RALYL: variants seen among roughly 807,000 people sequenced by gnomAD.
The protein encoded by RALYL is RALY RNA binding protein like, also known as RNA-binding Raly-like protein.
In RALYL, 29 loss-of-function variants were observed where a neutral mutation model predicts 35.1. The observed-to-expected ratio is 0.83, with a 90% CI of 0.61 to 1.13. The LOEUF (loss-of-function observed/expected upper bound fraction) is 1.13. Among genes scored for constraint, RALYL ranks in the 50% most tolerant of loss-of-function variants. RALYL has a pLI of 0.00. For synonymous variants in RALYL, 120 were observed against 127.6 expected (o/e 0.94, Z 0.40); for missense variants, 359 against 360.4 (o/e 1.00, Z 0.03).
At chr8:84,524,369 A>G (rs563776040) in intron 1 of RALYL, among the ~76,000 whole-genome samples, 4 of 152,228 alleles carry the variant, frequency 2.6e-5, no homozygotes, top group Non-Finnish European at 5.9e-5. Flanking sequence ...ATCCCTGGCC[A>G]TCAGAGAAAT....
intron 1 of RALYL, among the ~76,000 whole-genome samples, chr8:84,509,136 C>G (rs1255293394): frequency 3.9e-5 from 6 of 152,022 alleles, no homozygotes; most frequent in Non-Finnish European, 8.8e-5. Context: ...GTATTGTGTA[C>G]TACGTTTATT....
At chr8:84,425,517 G>A (rs948309807) in intron 1 of RALYL, among the ~76,000 whole-genome samples, 11 of 152,178 alleles carry the variant, frequency 7.2e-5, no homozygotes, top group South Asian at 2.1e-4. Context: ...CTTCTGCGTC[G>A]CTCACGCTGG....
At chr8:84,676,307 C>A (rs1834182828) in intron 2 of RALYL, among the ~76,000 whole-genome samples, 3 of 152,110 alleles carry the variant, frequency 2.0e-5, no homozygotes, top group South Asian at 4.1e-4. Flanking sequence ...TTCCTTTCTC[C>A]AAATAGTCCC....
chr8:84,524,031 A>C (rs917468734), intron 1 of RALYL, among the ~76,000 whole-genome samples: 5 of 152,120 alleles, frequency 3.3e-5, no homozygotes, highest in Admixed American at 3.3e-4. Context: ...GTATATACCC[A>C]GTAATGGGAT....
chr8:84,344,584 A>G (rs1021389000), intron 1 of RALYL, among the ~76,000 whole-genome samples: 8 of 152,082 alleles, frequency 5.3e-5, no homozygotes, highest in Non-Finnish European at 1.2e-4. Context: ...TGTGGGGTAC[A>G]GAGTTATGAT....
chr8:84,546,077 G>A (rs879586626), intron 2 of RALYL, among the ~76,000 whole-genome samples: 1 of 152,096 alleles, frequency 6.6e-6, no homozygotes, highest in East Asian at 1.9e-4. Context: ...TGAGAAGGAG[G>A]AAGTGGCAGG....
chr8:84,591,994 G>T (rs545383736), intron 2 of RALYL, among the ~76,000 whole-genome samples: 9 of 152,070 alleles, frequency 5.9e-5, no homozygotes, highest in African/African-American at 2.2e-4. Context: ...TGTGAATTTT[G>T]TACTATAGCT....
At chr8:84,410,363 G>C (rs191102488) in intron 1 of RALYL, among the ~76,000 whole-genome samples, 209 of 151,754 alleles carry the variant, frequency 1.4e-3, no homozygotes, top group African/African-American at 4.5e-3. Context: ...CTGTAAAATG[G>C]GATTCATTAT....
At chr8:84,443,394 T>G (rs1289925709) in intron 1 of RALYL, among the ~76,000 whole-genome samples, 1 of 152,160 alleles carries the variant, frequency 6.6e-6, no homozygotes, top group Non-Finnish European at 1.5e-5. Flanking sequence ...GAGATTTTTA[T>G]TTTCAGTTAA....
intron 1 of RALYL, among the ~76,000 whole-genome samples, chr8:84,411,144 C>T (rs1201155888): frequency 6.6e-6 from 1 of 151,744 alleles, no homozygotes; most frequent in Non-Finnish European, 1.5e-5. Flanking sequence ...TAAGAATGAG[C>T]AAATCAAATA....
Position 84,678,245 on chromosome 8 carries a change from GT to G in RALYL, c.257-96327del, listed in dbSNP as rs745913845. Among the ~76,000 whole-genome samples, 101 of 151,580 alleles carry G rather than the reference GT, an allele frequency of 6.7e-4. 1 individual carries two copies. The highest frequency in any genetic ancestry group is 4.2e-4 in the South Asian group (2 of 4,818). On this transcript the variant is annotated intron_variant, in intron 2 of 8. Coordinates refer to ENST00000521268, the MANE Select transcript of RALYL (RefSeq NM_173848.7). Reference sequence around the variant, plus strand: ...TGACCTCCTTTGCCCTGCAAGTATAGTTTTTTTGTTGTTTTTTTGTTTTTGT... The same window carrying G: ...TGACCTCCTTTGCCCTGCAAGTATAGTTTTTTGTTGTTTTTTTGTTTTTGT...
intron 1 of RALYL, among the ~76,000 whole-genome samples, chr8:84,484,726 AAAC>A (rs1303761377): frequency 3.9e-5 from 6 of 152,178 alleles, no homozygotes; most frequent in Non-Finnish European, 5.9e-5. Context: ...CATTAAAAAT[AAAC>A]AACCTCACAA....
chr8:84,779,280 A>G (rs1362076286), intron 3 of RALYL, among the ~76,000 whole-genome samples: 2 of 152,220 alleles, frequency 1.3e-5, no homozygotes, highest in Non-Finnish European at 2.9e-5. Flanking sequence ...GAATAATTGT[A>G]TGATGGTTTT....
chr8:84,446,647 T>A (rs188686850), intron 1 of RALYL, among the ~76,000 whole-genome samples: 117 of 152,148 alleles, frequency 7.7e-4, no homozygotes, highest in African/African-American at 2.6e-3. Context: ...CCTGGCTCAG[T>A]TGAGTATTGA....
At chr8:84,657,043 T>C (rs1830082946) in intron 2 of RALYL, among the ~76,000 whole-genome samples, 2 of 152,170 alleles carry the variant, frequency 1.3e-5, no homozygotes, top group Non-Finnish European at 2.9e-5. Flanking sequence ...TACATGAGTA[T>C]AAGAAATTTC....
intron 3 of RALYL, among the ~76,000 whole-genome samples, chr8:84,787,083 A>G (rs1043162428): frequency 6.6e-6 from 1 of 152,168 alleles, no homozygotes; most frequent in African/African-American, 2.4e-5. Flanking sequence ...ATAGGTATAC[A>G]CATGCTATGG....
chr8:84,249,830 A>G (rs986317689), intron 1 of RALYL, among the ~76,000 whole-genome samples: 2 of 151,910 alleles, frequency 1.3e-5, no homozygotes, highest in East Asian at 3.9e-4. Context: ...TATAAAATAA[A>G]TAATAGTACC....
chr8:84,365,461 C>T (rs886533221), intron 1 of RALYL, among the ~76,000 whole-genome samples: 2 of 152,214 alleles, frequency 1.3e-5, no homozygotes, highest in East Asian at 3.9e-4. Context: ...AATCTATAAA[C>T]TATTTATAAA....
At chr8:84,907,494 CG>C (rs1303540602) in intron 8 of RALYL, among the ~76,000 whole-genome samples, 1 of 152,022 alleles carries the variant, frequency 6.6e-6, no homozygotes, top group Non-Finnish European at 1.5e-5. Flanking sequence ...AAAATAACTT[CG>C]AGGAGTAGCT....
Sources: allele counts gnomAD v4.1 joint callset (sites outside exome capture counted in the v4.1 genomes callset), GRCh38; gene constraint gnomAD v4.1.1; transcripts MANE v1.5; gene names NCBI Gene and HGNC (gene_info 2026-07-23, HGNC 2026-07-21).